Variants in ICA1L observed in about 807,000 individuals in gnomAD.
The protein encoded by ICA1L is islet cell autoantigen 1 like, also known as islet cell autoantigen 1-like protein.
A neutral mutation model predicts 61.3 loss-of-function variants in ICA1L; 50 were observed. The observed-to-expected ratio is 0.82, with a 90% CI of 0.65 to 1.03. The LOEUF (loss-of-function observed/expected upper bound fraction) is 1.03, where lower values mean the gene tolerates loss of function less well. Among genes scored for constraint, ICA1L ranks in the 50% least tolerant of loss-of-function variants. ICA1L has a pLI of 0.00. For synonymous variants in ICA1L, 161 were observed against 191.3 expected (o/e 0.84, Z 1.31); for missense variants, 508 against 556.7 (o/e 0.91, Z 0.88).
In ICA1L at chr2:202,847,695, T is replaced by TTATATATATATATATA. The variant is rs80134434; in HGVS notation, c.-7-18680_-7-18679insTATATATATATATATA. ...CTTAGAATGAAATATTATATGGGAA[T>TTATATATATATATATA]TATATATATATATAGTTAAGCAGTG... On this transcript the variant is annotated intron_variant, in intron 1 of 12. Transcript: ENST00000358299. Among the ~76,000 whole-genome samples the TTATATATATATATATA allele has an allele frequency of 6.6e-4, 67 of 102,224 alleles. 4 individuals carry two copies. Among genetic ancestry groups the TTATATATATATATATA allele is most frequent in the African/African-American group, 1.9e-3 (45 of 23,302 alleles). 67.1% of individuals were successfully genotyped at this position (102,224 alleles called of 152,430 possible).
intron 1 of ICA1L, among the ~76,000 whole-genome samples, chr2:202,864,282 C>T (rs906888052): frequency 2.0e-5 from 3 of 151,584 alleles, no homozygotes. Flanking sequence ...CTTGCTCTGT[C>T]GCCCAGGCTG....
chr2:202,832,410 T>C (rs928177552), intron 1 of ICA1L, among the ~76,000 whole-genome samples: 3 of 129,698 alleles, frequency 2.3e-5, no homozygotes, highest in Non-Finnish European at 3.1e-5. Flanking sequence ...CACTCCAGCC[T>C]GGTCGACAGA....
chr2:202,808,849 C>A (rs192592047), intron 9 of ICA1L, among the ~76,000 whole-genome samples: 1 of 152,294 alleles, frequency 6.6e-6, no homozygotes, highest in African/African-American at 2.4e-5. Flanking sequence ...GATACAGCTA[C>A]AATGACCAAA....
At position 202,778,993 on chromosome 2, in the gene ICA1L, AG is replaced by A. The variant is rs1229852047; in HGVS notation, c.*539del. The A allele has an allele frequency of 6.6e-6, 1 of 152,514 alleles. No homozygotes were observed. The highest frequency in any genetic ancestry group is 2.4e-5 in the African/African-American group (1 of 41,472). 9.4% of individuals were successfully genotyped at this position (152,514 alleles called of 1,614,324 possible). A position where few individuals can be genotyped will look rare whatever the true frequency, so the allele number is the denominator to read the frequency against. ...TCTGTGATTTCATTAAAGCAAACTG[AG>A]TTCTCAAATCTTACTCTCTCTAACC... On this transcript the variant is annotated 3_prime_UTR_variant, in exon 13 of 13. Transcript: ENST00000358299.
intron 9 of ICA1L, among the ~76,000 whole-genome samples, chr2:202,800,729 C>G (rs1204918998): frequency 5.3e-5 from 8 of 151,990 alleles, no homozygotes; most frequent in Admixed American, 5.2e-4. Context: ...CATCTAAGGA[C>G]AAAGTAATAG....
Position 202,773,894 on chromosome 2 carries a change from C to G in ICA1L, c.*5639G>C. The G allele has an allele frequency of 6.3e-6, 8 of 1,266,980 alleles. No homozygotes were observed. The highest frequency in any genetic ancestry group is 8.0e-6 in the Non-Finnish European group (7 of 870,416). The allele number at this position is 1,266,980 out of a possible 1,614,324, so 78.5% of individuals were successfully genotyped here. A position where few individuals can be genotyped will look rare whatever the true frequency, so the allele number is the denominator to read the frequency against. The stretch of plus-strand genomic sequence containing the variant: ...AGTGGAACAGTCCTGCTAAATAAAC[C>G]AGTGGAATAAGAACAGTCAACGTAG... On this transcript the variant is annotated 3_prime_UTR_variant, in exon 13 of 13. Transcript: ENST00000358299.
intron 1 of ICA1L, among the ~76,000 whole-genome samples, chr2:202,868,754 G>A (rs1559154035): frequency 1.3e-5 from 2 of 151,570 alleles, no homozygotes; most frequent in African/African-American, 4.9e-5. Context: ...ATCACCTGAG[G>A]TCAGGAGTTC....
At chr2:202,862,528 T>G (rs1327449387) in intron 1 of ICA1L, among the ~76,000 whole-genome samples, 1 of 152,054 alleles carries the variant, frequency 6.6e-6, no homozygotes, top group Non-Finnish European at 1.5e-5. Context: ...CCCAAATATT[T>G]GGAAATAACA....
At chr2:202,860,984 C>G (rs1370362060) in intron 1 of ICA1L, among the ~76,000 whole-genome samples, 2 of 152,030 alleles carry the variant, frequency 1.3e-5, no homozygotes, top group African/African-American at 4.8e-5. Context: ...AATCCCAGCA[C>G]TTTGGGAGGC....
chr2:202,847,600 G>C (rs1694498102), intron 1 of ICA1L, among the ~76,000 whole-genome samples: 1 of 149,838 alleles, frequency 6.7e-6, no homozygotes, highest in Admixed American at 6.7e-5. Flanking sequence ...TATATGTAAA[G>C]TGCTTGGAAT....
At chr2:202,800,207 C>G (rs1693052640) in intron 9 of ICA1L, among the ~76,000 whole-genome samples, 1 of 151,898 alleles carries the variant, frequency 6.6e-6, no homozygotes, top group South Asian at 2.1e-4. Context: ...TAAAAACTGC[C>G]CATAGCAATA....
chr2:202,804,605 CA>C (rs1277813115), intron 9 of ICA1L, among the ~76,000 whole-genome samples: 2 of 152,132 alleles, frequency 1.3e-5, no homozygotes, highest in African/African-American at 4.8e-5. Flanking sequence ...ACACATTTCT[CA>C]ACACGTAAAC....
intron 9 of ICA1L, among the ~76,000 whole-genome samples, chr2:202,807,330 G>A (rs563731151): frequency 6.6e-6 from 1 of 152,154 alleles, no homozygotes; most frequent in Non-Finnish European, 1.5e-5. Context: ...CAGTGATTGT[G>A]GGACTTTGCA....
At chr2:202,789,193 A>G in intron 10 of ICA1L, 106 bp from the exon 11 acceptor site, 1 of 931,640 alleles carries the variant, frequency 1.1e-6, no homozygotes, top group South Asian at 1.7e-5. Flanking sequence ...CTGTATTAAC[A>G]TAATTTTAAA....
intron 1 of ICA1L, among the ~76,000 whole-genome samples, chr2:202,859,410 T>C (rs927650740): frequency 6.6e-6 from 1 of 152,196 alleles, no homozygotes; most frequent in African/African-American, 2.4e-5. Context: ...AAAAATTAGC[T>C]GAAATTTTAA....
intron 9 of ICA1L, among the ~76,000 whole-genome samples, chr2:202,808,047 G>A (rs981658638): frequency 1.6e-4 from 24 of 152,194 alleles, no homozygotes; most frequent in African/African-American, 5.8e-4. Flanking sequence ...TGCATTCTAA[G>A]CTATGGTGCC....
chr2:202,820,948 GA>G (rs1439994489), intron 4 of ICA1L, among the ~76,000 whole-genome samples: 1 of 152,034 alleles, frequency 6.6e-6, no homozygotes, highest in Non-Finnish European at 1.5e-5. Flanking sequence ...TAATTAAGAA[GA>G]AAAAATTTCT....
rs191799314 is a variant in ICA1L, at chr2:202,853,597, G to A, written c.-8+18022C>T. 3.2e-3 allele frequency among the ~76,000 whole-genome samples: 485 copies of A among 151,940 alleles called. 4 individuals are homozygous for A. Among genetic ancestry groups the A allele is most frequent in the African/African-American group, 0.011 (467 of 41,466 alleles). On this transcript the variant is annotated intron_variant, in intron 1 of 12. Coordinates refer to ENST00000358299, the MANE Select transcript of ICA1L (RefSeq NM_001288622.3). Reference sequence around the variant, plus strand: ...ACCTACAGAATGGGAGAAAATTTTTGCAATCTACTCATCTGACAAAGGGCT... The same window carrying A: ...ACCTACAGAATGGGAGAAAATTTTTACAATCTACTCATCTGACAAAGGGCT...
In ICA1L at chr2:202,796,891, AT is replaced by A; in HGVS notation, c.983del (p.Asn328MetfsTer8). 1 of 1,551,524 alleles carries A rather than the reference AT, an allele frequency of 6.4e-7. No homozygotes were observed. The highest frequency in any genetic ancestry group is 8.8e-7 in the Non-Finnish European group (1 of 1,135,738). On this transcript the variant is annotated frameshift_variant and splice_region_variant, in exon 10 of 13. Coordinates refer to ENST00000358299, the MANE Select transcript of ICA1L (RefSeq NM_001288622.3). LOFTEE classifies it high-confidence loss of function. ...FGAPQFSNSE[N>X]VAKDLPVDSL... ...TATGTAGAGTGAAATGATTCTTACC[AT>A]TTTCAGAGTTAGAAAACTGAGGTGC... is the stretch of plus-strand genomic sequence containing the variant.
Sources: gnomAD v4.1 joint callset for allele counts (sites outside exome capture counted in the v4.1 genomes callset) on GRCh38, gnomAD v4.1.1 for gene constraint, MANE v1.5 for transcripts, NCBI Gene and HGNC (gene_info 2026-07-23, HGNC 2026-07-21) for gene names.